Variants in STXBP5 observed in about 807,000 individuals in gnomAD.
STXBP5 encodes syntaxin-binding protein 5.
A neutral mutation model predicts 152.4 loss-of-function variants in STXBP5; 50 were observed. That is an observed-to-expected ratio of 0.33 (90% CI 0.26 to 0.42). The LOEUF (loss-of-function observed/expected upper bound fraction) is 0.42. STXBP5 is among the 10% of genes least tolerant of loss of function. The pLI is 1.00. For synonymous variants in STXBP5, 492 were observed against 494.7 expected, an observed-to-expected ratio of 0.99 and a Z score of 0.07; for missense variants, 1,167 against 1,388.6, an observed-to-expected ratio of 0.84 and a Z score of 2.54.
In STXBP5 at chr6:147,204,748, T is replaced by A. The variant is rs1776450840; in HGVS notation, c.150+66T>A. The A allele has an allele frequency of 1.3e-5, 19 of 1,464,906 alleles. No individual in the cohort carries two copies. Among genetic ancestry groups the A allele is most frequent in the Non-Finnish European group, 1.6e-5 (18 of 1,099,970 alleles). 90.7% of individuals were successfully genotyped at this position (1,464,906 alleles called of 1,614,324 possible). On this transcript the variant is annotated intron_variant, in intron 1 of 27. Coordinates refer to ENST00000321680, the MANE Select transcript of STXBP5 (RefSeq NM_001127715.4). This position sits in a 1 kb window ranked among gnomAD's most constrained non-coding sequence, Gnocchi z 4.3. Reference sequence around the variant, plus strand: ...ATTGGGGTTGTTTTAAGGGGGCTACTCGGGCTTTACATGGGAATGCAAGGG... The same window carrying A: ...ATTGGGGTTGTTTTAAGGGGGCTACACGGGCTTTACATGGGAATGCAAGGG...
chr6:147,316,506 C>A, intron 16 of STXBP5, 99 bp downstream of exon 16: 1 of 1,089,566 alleles, frequency 9.2e-7, no homozygotes, highest in Non-Finnish European at 1.2e-6. Context: ...TTTGATATAG[C>A]AAAATGGCAT....
intron 23 of STXBP5, among the ~76,000 whole-genome samples, chr6:147,361,427 A>G (rs2128412742): frequency 6.6e-6 from 1 of 152,296 alleles, no homozygotes; most frequent in Admixed American, 6.5e-5. Context: ...GTTTCTTCTC[A>G]ATGATGGAAT....
At chr6:147,379,673 G>A (rs925412126) in intron 26 of STXBP5, among the ~76,000 whole-genome samples, 1 of 152,040 alleles carries the variant, frequency 6.6e-6, no homozygotes, top group Non-Finnish European at 1.5e-5. Context: ...GCAAGTAAAA[G>A]GCATGCAAAT....
intron 9 of STXBP5, among the ~76,000 whole-genome samples, chr6:147,309,233 C>T (rs982255414): frequency 2.6e-5 from 4 of 151,916 alleles, no homozygotes; most frequent in Non-Finnish European, 5.9e-5. Flanking sequence ...ATACACTGAC[C>T]TTAGATTAAG....
In STXBP5 at chr6:147,372,299, C is replaced by T. The variant is rs538304070; in HGVS notation, c.3082-1432C>T. Among the ~76,000 whole-genome samples the T allele has an allele frequency of 5.3e-5, 8 of 151,818 alleles. No homozygotes were observed. In the South Asian group the frequency reaches 1.7e-3, roughly 32 times the overall value. ...GCCTTTACCAGCCTTCTTAGCCCAG[C>T]CCCAAGGAAGAAACCCTGAAAAATA... On this transcript the variant is annotated intron_variant, in intron 25 of 27. Coordinates refer to ENST00000321680, the MANE Select transcript of STXBP5 (RefSeq NM_001127715.4).
At chr6:147,259,290 T>C (rs1052956653) in intron 4 of STXBP5, among the ~76,000 whole-genome samples, 4 of 152,156 alleles carry the variant, frequency 2.6e-5, no homozygotes, top group African/African-American at 7.2e-5. Context: ...AGTTTTACAG[T>C]TGACTGAGGA....
intron 23 of STXBP5, among the ~76,000 whole-genome samples, chr6:147,360,342 G>A (rs1312414371): frequency 6.6e-6 from 1 of 152,068 alleles, no homozygotes; most frequent in Non-Finnish European, 1.5e-5. Context: ...AAAGACACAT[G>A]CACATGTATG....
chr6:147,275,549 CTTTTTTTT>C (rs71031021), intron 7 of STXBP5, among the ~76,000 whole-genome samples: 1 of 64,480 alleles, frequency 1.6e-5, no homozygotes, highest in African/African-American at 6.4e-5. Context: ...AGTAAATATT[CTTTTTTTT>C]TTTTTTTTTT....
chr6:147,296,032 G>A (rs1781503948), intron 9 of STXBP5, among the ~76,000 whole-genome samples: 1 of 151,934 alleles, frequency 6.6e-6, no homozygotes, highest in Non-Finnish European at 1.5e-5. Context: ...TTGTGGCTCT[G>A]GTGCCCACAC....
chr6:147,361,527 T>C (rs778655726), intron 23 of STXBP5, among the ~76,000 whole-genome samples: 12 of 152,146 alleles, frequency 7.9e-5, no homozygotes, highest in Non-Finnish European at 1.5e-5. Context: ...AAGAAAGAGA[T>C]GTTTTCAGGC....
intron 9 of STXBP5, among the ~76,000 whole-genome samples, chr6:147,306,940 A>T (rs1401390247): frequency 6.6e-6 from 1 of 152,230 alleles, no homozygotes; most frequent in East Asian, 1.9e-4. Flanking sequence ...CGTAGACTAG[A>T]CATAGGAGCA....
chr6:147,302,830 G>A (rs775676826), intron 9 of STXBP5, among the ~76,000 whole-genome samples: 6 of 152,106 alleles, frequency 3.9e-5, no homozygotes, highest in Non-Finnish European at 8.8e-5. Flanking sequence ...CGTATAACAT[G>A]TATTTGGTGA....
intron 18 of STXBP5, among the ~76,000 whole-genome samples, chr6:147,331,323 A>C (rs1442215435): frequency 2.0e-5 from 3 of 152,240 alleles, no homozygotes; most frequent in Non-Finnish European, 2.9e-5. Flanking sequence ...GAGATTTATC[A>C]ACAATACATG....
intron 12 of STXBP5, 39 bp downstream of exon 12, chr6:147,314,070 T>A: frequency 6.5e-7 from 1 of 1,534,472 alleles, no homozygotes; most frequent in East Asian, 2.3e-5. Context: ...GTTATATTTC[T>A]TATTTATTCT....
At position 147,385,912 on chromosome 6, in the gene STXBP5, A is replaced by G. The variant is rs1309892691; in HGVS notation, c.*1157A>G. 6.6e-6 allele frequency: 1 copy of G among 152,110 alleles called. No homozygotes were observed. Among genetic ancestry groups the G allele is most frequent in the African/African-American group, 2.4e-5 (1 of 41,456 alleles). 9.4% of individuals were successfully genotyped at this position (152,110 alleles called of 1,614,324 possible). Reference sequence around the variant, plus strand: ...ATATAAGAGTTTAGTCTGATGACCTACAAAATATTTTGTGTAGAAATATAC... The same window carrying G: ...ATATAAGAGTTTAGTCTGATGACCTGCAAAATATTTTGTGTAGAAATATAC... On this transcript the variant is annotated 3_prime_UTR_variant, in exon 28 of 28. Coordinates refer to ENST00000321680, the MANE Select transcript of STXBP5 (RefSeq NM_001127715.4).
intron 7 of STXBP5, among the ~76,000 whole-genome samples, chr6:147,271,194 C>T (rs375355935): frequency 1.1e-4 from 16 of 152,108 alleles, no homozygotes; most frequent in South Asian, 4.2e-4. Context: ...AGAGCAAGAT[C>T]TAACCACATA....
At chr6:147,369,206 C>T (rs1785432429) in intron 25 of STXBP5, among the ~76,000 whole-genome samples, 1 of 151,764 alleles carries the variant, frequency 6.6e-6, no homozygotes, top group Non-Finnish European at 1.5e-5. Flanking sequence ...AGGCGCAAGG[C>T]AATGCAATGG....
chr6:147,232,214 T>G (rs757585481), intron 2 of STXBP5, among the ~76,000 whole-genome samples: 3 of 151,824 alleles, frequency 2.0e-5, no homozygotes, highest in African/African-American at 4.8e-5. Context: ...TCTTCAAGTC[T>G]CATTGTGCCT....
chr6:147,328,676 C>G (rs1265083772), intron 18 of STXBP5: 1 of 467,760 alleles, frequency 2.1e-6, no homozygotes, highest in South Asian at 1.6e-5. Flanking sequence ...TTTATTTCTT[C>G]CGCTTTTCAT....
Sources: gnomAD v4.1 joint callset for allele counts (sites outside exome capture counted in the v4.1 genomes callset) on GRCh38, gnomAD v4.1.1 for gene constraint, Gnocchi (gnomAD v3.1) non-coding constraint, MANE v1.5 for transcripts, NCBI Gene and HGNC (gene_info 2026-07-23, HGNC 2026-07-21) for gene names.